Variants in LAMA2 observed in about 807,000 individuals in gnomAD.
LAMA2 encodes the protein laminin subunit alpha-2.
A neutral mutation model predicts 364.8 loss-of-function variants in LAMA2; 269 were observed. The ratio of observed to expected loss-of-function variants is 0.74; its 90% CI spans 0.67 to 0.82. The LOEUF is 0.82. Ranked by LOEUF, LAMA2 falls within the 40% of genes least tolerant of loss-of-function variation. The pLI, the probability that LAMA2 is intolerant of heterozygous loss-of-function variation, is 0.00. For synonymous variants in LAMA2, 1,379 were observed against 1,370.6 expected, an observed-to-expected ratio of 1.01 and a Z score of -0.14; for missense variants, 3,807 against 3,873.2, an observed-to-expected ratio of 0.98 and a Z score of 0.45.
chr6:129,376,407 G>C (rs1005450802), intron 34 of LAMA2, among the ~76,000 whole-genome samples: 5 of 152,118 alleles, frequency 3.3e-5, no homozygotes, highest in Non-Finnish European at 7.3e-5. Flanking sequence ...TGGTCTCTCT[G>C]CTTTTACTCT....
At chr6:129,199,805 G>A (rs1782071686) in intron 12 of LAMA2, among the ~76,000 whole-genome samples, 1 of 152,042 alleles carries the variant, frequency 6.6e-6, no homozygotes, top group Admixed American at 6.5e-5. Flanking sequence ...TAGATGGGGT[G>A]CGATGGCTCA....
intron 3 of LAMA2, among the ~76,000 whole-genome samples, chr6:129,064,776 A>G (rs1789182114): frequency 6.6e-6 from 1 of 152,138 alleles, no homozygotes; most frequent in Non-Finnish European, 1.5e-5. Flanking sequence ...GGAATAAGAA[A>G]TACCCTATCA....
intron 62 of LAMA2, 91 bp downstream of exon 62, chr6:129,507,733 C>T (rs1786219841): frequency 7.8e-7 from 1 of 1,286,518 alleles, no homozygotes; most frequent in African/African-American, 1.5e-5. Context: ...TTCCTAGAGT[C>T]CTAAACTAGT....
chr6:129,206,391 A>C (rs1429459311), intron 12 of LAMA2, among the ~76,000 whole-genome samples: 1 of 152,176 alleles, frequency 6.6e-6, no homozygotes, highest in Non-Finnish European at 1.5e-5. Context: ...TTTTAACTGG[A>C]ATAGACTTGA....
intron 41 of LAMA2, among the ~76,000 whole-genome samples, chr6:129,432,255 T>C (rs1057402461): frequency 1.3e-5 from 2 of 152,102 alleles, no homozygotes; most frequent in African/African-American, 4.8e-5. Flanking sequence ...AGAGTGTGAA[T>C]GGTGGAAATA....
At chr6:128,940,437 C>T (rs899145107) in intron 1 of LAMA2, among the ~76,000 whole-genome samples, 1 of 152,158 alleles carries the variant, frequency 6.6e-6, no homozygotes, top group Non-Finnish European at 1.5e-5. Context: ...GTTTTTCTTA[C>T]CATCTTTCCC....
intron 1 of LAMA2, among the ~76,000 whole-genome samples, chr6:129,011,456 C>T (rs1784761566): frequency 6.6e-6 from 1 of 152,142 alleles, no homozygotes; most frequent in African/African-American, 2.4e-5. Flanking sequence ...TATCCATGCC[C>T]TTTGCACATT....
At chr6:129,235,691 A>G (rs1251175878) in intron 12 of LAMA2, among the ~76,000 whole-genome samples, 2 of 152,200 alleles carry the variant, frequency 1.3e-5, no homozygotes, top group African/African-American at 4.8e-5. Context: ...CCTATAGTTT[A>G]TGGGAATTGG....
chr6:128,946,844 C>A (rs577595412), intron 1 of LAMA2, among the ~76,000 whole-genome samples: 2 of 152,106 alleles, frequency 1.3e-5, no homozygotes, highest in Non-Finnish European at 2.9e-5. Context: ...ATTGATGATT[C>A]TCTGCTAACA....
At chr6:129,005,627 T>C (rs1784403766) in intron 1 of LAMA2, among the ~76,000 whole-genome samples, 1 of 151,584 alleles carries the variant, frequency 6.6e-6, no homozygotes, top group African/African-American at 2.4e-5. Context: ...TGAGGGACTA[T>C]CACATTATTT....
chr6:128,911,210 G>T (rs1255111094), intron 1 of LAMA2, among the ~76,000 whole-genome samples: 2 of 152,140 alleles, frequency 1.3e-5, no homozygotes, highest in African/African-American at 4.8e-5. Context: ...TCAAGCCTGG[G>T]CAATGGCAGA....
chr6:129,281,766 CAT>C (rs1477770623), intron 18 of LAMA2, among the ~76,000 whole-genome samples: 2 of 152,186 alleles, frequency 1.3e-5, no homozygotes, highest in Non-Finnish European at 2.9e-5. Context: ...TGGCAACATG[CAT>C]ATGCAGTGTA....
At chr6:129,152,109 A>C (rs1778842693) in intron 7 of LAMA2, among the ~76,000 whole-genome samples, 1 of 152,242 alleles carries the variant, frequency 6.6e-6, no homozygotes, top group African/African-American at 2.4e-5. Flanking sequence ...TATCAATAAG[A>C]AAAAAGTTAA....
chr6:129,473,499 T>A, intron 52 of LAMA2, 147 bp downstream of exon 52: 1 of 718,962 alleles, frequency 1.4e-6, no homozygotes, highest in Non-Finnish European at 2.3e-6. Flanking sequence ...TGTTGCATGT[T>A]AGAACAACAC....
chr6:128,924,718 T>G (rs1322595679), intron 1 of LAMA2, among the ~76,000 whole-genome samples: 1 of 152,114 alleles, frequency 6.6e-6, no homozygotes, highest in African/African-American at 2.4e-5. Flanking sequence ...TGCAGAGGGG[T>G]TATTTCCCAG....
chr6:129,499,552 C>G (rs551944670), intron 58 of LAMA2, among the ~76,000 whole-genome samples: 33 of 152,282 alleles, frequency 2.2e-4, no homozygotes, highest in African/African-American at 7.5e-4. Context: ...AAGCACAGGG[C>G]AGTTTCTATT....
chr6:129,454,415 G>T (rs1782852075), intron 47 of LAMA2, 127 bp downstream of exon 47: 3 of 718,332 alleles, frequency 4.2e-6, no homozygotes, highest in Non-Finnish European at 7.1e-6. Flanking sequence ...ACATGTGTAT[G>T]AATTTTATAC....
chr6:129,444,750 A>G (rs1485958007), intron 44 of LAMA2, among the ~76,000 whole-genome samples: 2 of 152,230 alleles, frequency 1.3e-5, no homozygotes, highest in Non-Finnish European at 2.9e-5. Flanking sequence ...TTCAGAGTCT[A>G]ACACAGCATG....
intron 1 of LAMA2, among the ~76,000 whole-genome samples, chr6:129,016,067 AC>A (rs1785052645): frequency 6.6e-6 from 1 of 152,080 alleles, no homozygotes; most frequent in Non-Finnish European, 1.5e-5. Flanking sequence ...TGCTGCAGAA[AC>A]TTCTGTCTAA....
Sources: gnomAD v4.1 joint callset for allele counts (sites outside exome capture counted in the v4.1 genomes callset) on GRCh38, gnomAD v4.1.1 for gene constraint, MANE v1.5 for transcripts, NCBI Gene and HGNC (gene_info 2026-07-23, HGNC 2026-07-21) for gene names.